PRKN: variants seen among roughly 807,000 people sequenced by gnomAD.
PRKN encodes E3 ubiquitin-protein ligase parkin.
A neutral mutation model predicts 59.5 loss-of-function variants in PRKN; 56 were observed. The ratio of observed to expected loss-of-function variants is 0.94; its 90% CI spans 0.76 to 1.18. The LOEUF (loss-of-function observed/expected upper bound fraction) is 1.18, where lower values mean the gene tolerates loss of function less well. Among genes scored for constraint, PRKN ranks in the 50% most tolerant of loss-of-function variants. The pLI, the probability that PRKN is intolerant of heterozygous loss-of-function variation, is 0.00. For synonymous variants in PRKN, 250 were observed against 222.1 expected, an observed-to-expected ratio of 1.13 and a Z score of -1.12; for missense variants, 657 against 596.4, an observed-to-expected ratio of 1.10 and a Z score of -1.06.
intron 6 of PRKN, among the ~76,000 whole-genome samples, chr6:161,928,647 A>T (rs1012012599): frequency 1.3e-5 from 2 of 152,212 alleles, no homozygotes; most frequent in Admixed American, 6.5e-5. Context: ...ACGCCATAGT[A>T]TAGTATCTTA....
At chr6:162,464,386 T>C (rs1221530486) in intron 1 of PRKN, among the ~76,000 whole-genome samples, 1 of 152,204 alleles carries the variant, frequency 6.6e-6, no homozygotes, top group African/African-American at 2.4e-5. Flanking sequence ...TCTAAGGTTT[T>C]AATCATTTAT....
chr6:162,589,833 T>C (rs2128213875), intron 1 of PRKN, among the ~76,000 whole-genome samples: 1 of 152,346 alleles, frequency 6.6e-6, no homozygotes, highest in South Asian at 2.1e-4. Flanking sequence ...TATATTCACA[T>C]ATTGCTTTAT....
At chr6:161,758,904 C>T (rs768512654) in intron 7 of PRKN, among the ~76,000 whole-genome samples, 1 of 152,132 alleles carries the variant, frequency 6.6e-6, no homozygotes, top group African/African-American at 2.4e-5. Context: ...TCAGGCCGGG[C>T]GCAGTGGCTC....
chr6:161,895,752 C>T (rs946906650), intron 6 of PRKN, among the ~76,000 whole-genome samples: 2 of 150,808 alleles, frequency 1.3e-5, no homozygotes, highest in South Asian at 2.1e-4. Flanking sequence ...CTTTTTCACC[C>T]GTAGTTAGCT....
rs551110675 is a variant in PRKN at position 161,856,098 on chromosome 6, G to A, written c.735-70190C>T. ...AGATCTGCTAGGTGCGGTGGCTCAC[G>A]CCTGTAAACCCAGCACTTTGGGAGG... On this transcript the variant is annotated intron_variant, in intron 6 of 11. Coordinates refer to ENST00000366898, the MANE Select transcript of PRKN (RefSeq NM_004562.3). Among the ~76,000 whole-genome samples the A allele has an allele frequency of 1.4e-4, 21 of 152,268 alleles. 1 individual carries two copies. In the South Asian group the frequency reaches 3.9e-3, roughly 29 times the overall value.
At chr6:162,491,280 A>G (rs961073915) in intron 1 of PRKN, among the ~76,000 whole-genome samples, 1 of 151,942 alleles carries the variant, frequency 6.6e-6, no homozygotes, top group African/African-American at 2.4e-5. Context: ...AAAAAAAAAA[A>G]AAAAAACCAA....
intron 7 of PRKN, among the ~76,000 whole-genome samples, chr6:161,665,641 C>T (rs7770983): frequency 0.015 from 2,216 of 152,268 alleles, 42 homozygotes; most frequent in East Asian, 0.065. Flanking sequence ...ATCAAAATCT[C>T]CTTTGGAAGT....
intron 2 of PRKN, among the ~76,000 whole-genome samples, chr6:162,394,915 C>A (rs930388684): frequency 6.6e-6 from 1 of 152,068 alleles, no homozygotes; most frequent in Non-Finnish European, 1.5e-5. Context: ...ATTAATTGGA[C>A]CTTGAATGTT....
chr6:161,833,089 G>A lies in PRKN; in HGVS notation c.735-47181C>T, dbSNP rs951016570. On this transcript the variant is annotated intron_variant, in intron 6 of 11. Transcript: ENST00000366898. ...ATTAGTTCACTGTAGACAATGCAACGTCTACTGTGTGCTATGGAACAACCG... is the reference window on the plus strand; with the variant it reads ...ATTAGTTCACTGTAGACAATGCAACATCTACTGTGTGCTATGGAACAACCG... Among the ~76,000 whole-genome samples, 10 of 152,272 alleles carry A rather than the reference G, an allele frequency of 6.6e-5. No individual in the cohort carries two copies. In the South Asian group the frequency reaches 8.3e-4, roughly 13 times the overall value.
At chr6:162,037,282 C>T (rs1480888448) in intron 5 of PRKN, among the ~76,000 whole-genome samples, 1 of 152,124 alleles carries the variant, frequency 6.6e-6, no homozygotes, top group African/African-American at 2.4e-5. Flanking sequence ...GACTCTTCAA[C>T]AAAATAAATG....
At chr6:162,600,624 A>G (rs1489050904) in intron 1 of PRKN, among the ~76,000 whole-genome samples, 2 of 152,154 alleles carry the variant, frequency 1.3e-5, no homozygotes, top group African/African-American at 2.4e-5. Flanking sequence ...CAATTTTGGA[A>G]GTGGGGCCAG....
intron 1 of PRKN, among the ~76,000 whole-genome samples, chr6:162,610,288 T>C (rs1027588234): frequency 6.6e-6 from 1 of 152,170 alleles, no homozygotes; most frequent in Non-Finnish European, 1.5e-5. Flanking sequence ...GGATCAGACC[T>C]CAGGAGGACT....
chr6:161,392,707 T>C (rs1017455102), intron 9 of PRKN, among the ~76,000 whole-genome samples: 4 of 151,882 alleles, frequency 2.6e-5, no homozygotes, highest in African/African-American at 9.7e-5. Context: ...GAGAGCTTGG[T>C]GCCACACTTT....
At chr6:161,559,631 C>T (rs1780377260) in intron 8 of PRKN, among the ~76,000 whole-genome samples, 1 of 152,088 alleles carries the variant, frequency 6.6e-6, no homozygotes. Flanking sequence ...TCAGTATTTT[C>T]ACCTCTCTTC....
chr6:162,108,657 T>C (rs1161912650), intron 4 of PRKN, among the ~76,000 whole-genome samples: 1 of 152,180 alleles, frequency 6.6e-6, no homozygotes, highest in Admixed American at 6.5e-5. Flanking sequence ...AACATAGGCC[T>C]AGCAGCCAGT....
intron 7 of PRKN, among the ~76,000 whole-genome samples, chr6:161,591,918 TAC>T (rs1781739493): frequency 6.6e-6 from 1 of 152,174 alleles, no homozygotes; most frequent in African/African-American, 2.4e-5. Flanking sequence ...GCCTTACCTG[TAC>T]GGTTGTCCCT....
intron 6 of PRKN, among the ~76,000 whole-genome samples, chr6:161,826,200 C>A (rs1485570595): frequency 6.6e-6 from 1 of 152,076 alleles, no homozygotes; most frequent in Non-Finnish European, 1.5e-5. Flanking sequence ...GACCTTGGGT[C>A]ACTGCTCTGA....
chr6:161,620,872 A>T (rs973141385), intron 7 of PRKN, among the ~76,000 whole-genome samples: 2 of 152,132 alleles, frequency 1.3e-5, no homozygotes, highest in African/African-American at 2.4e-5. Flanking sequence ...TTTTTCTTTT[A>T]TCAGCACATC....
chr6:161,980,369 A>C (rs1781213663), intron 5 of PRKN, among the ~76,000 whole-genome samples: 1 of 152,220 alleles, frequency 6.6e-6, no homozygotes, highest in South Asian at 2.1e-4. Flanking sequence ...ACAAGGTTGC[A>C]AAGGGTATAG....
Sources: allele counts gnomAD v4.1 joint callset (sites outside exome capture counted in the v4.1 genomes callset), GRCh38; gene constraint gnomAD v4.1.1; transcripts MANE v1.5; gene names NCBI Gene and HGNC (gene_info 2026-07-23, HGNC 2026-07-21).